Variants in XXYLT1 observed in about 807,000 individuals in gnomAD.
The protein encoded by XXYLT1 is UDP-xylose:alpha-xyloside alpha-1,3-xylosyltransferase.
In XXYLT1, 20 loss-of-function variants were observed where a neutral mutation model predicts 28.9. The ratio of observed to expected loss-of-function variants is 0.69; its 90% confidence interval spans 0.49 to 1.00. XXYLT1 has a LOEUF of 1.00. XXYLT1 is among the 50% of genes least tolerant of loss of function. The pLI is 0.00. For synonymous variants in XXYLT1, 257 were observed against 253.8 expected, an observed-to-expected ratio of 1.01 and a Z score of -0.12; for missense variants, 542 against 560.1, an observed-to-expected ratio of 0.97 and a Z score of 0.33.
intron 1 of XXYLT1, among the ~76,000 whole-genome samples, chr3:195,260,426 C>T (rs1242921846): frequency 1.3e-5 from 2 of 152,202 alleles, no homozygotes; most frequent in East Asian, 1.9e-4. Flanking sequence ...AGCCCCCATC[C>T]GGCTCCCGCA....
intron 1 of XXYLT1, chr3:195,248,047 A>G (rs6804467): frequency 0.047 from 24,549 of 520,562 alleles, 921 homozygotes; most frequent in African/African-American, 0.11. Context: ...CTTATCAGCC[A>G]CTTTCCAAGG....
intron 2 of XXYLT1, among the ~76,000 whole-genome samples, chr3:195,221,827 T>C (rs1474716524): frequency 6.6e-6 from 1 of 151,570 alleles, no homozygotes; most frequent in Admixed American, 6.6e-5. Context: ...GCCCCGTGGA[T>C]GTGGGTGAAG....
At chr3:195,103,197 T>C (rs1716887051) in intron 3 of XXYLT1, among the ~76,000 whole-genome samples, 2 of 152,234 alleles carry the variant, frequency 1.3e-5, no homozygotes, top group Non-Finnish European at 2.9e-5. Context: ...GCTGATTTGC[T>C]CCAGATAACA....
intron 3 of XXYLT1, among the ~76,000 whole-genome samples, chr3:195,114,898 A>G (rs1717963854): frequency 6.6e-6 from 1 of 152,244 alleles, no homozygotes; most frequent in Admixed American, 6.5e-5. Flanking sequence ...CACCTGCAGA[A>G]GGTGCTAACG....
intron 3 of XXYLT1, among the ~76,000 whole-genome samples, chr3:195,149,223 C>A (rs745426935): frequency 1.8e-4 from 28 of 152,098 alleles, no homozygotes; most frequent in Admixed American, 1.0e-3. Context: ...ACACACACAC[C>A]CCCTGATAAA....
chr3:195,141,856 C>T (rs902945070), intron 3 of XXYLT1, among the ~76,000 whole-genome samples: 94 of 152,228 alleles, frequency 6.2e-4, no homozygotes, highest in African/African-American at 2.2e-3. Flanking sequence ...CGACTAGACT[C>T]TAGTAATTTT....
At chr3:195,214,786 G>A (rs534064996) in intron 2 of XXYLT1, 3 of 152,282 alleles carry the variant, frequency 2.0e-5, no homozygotes, top group South Asian at 2.1e-4. Flanking sequence ...ATTGATTACT[G>A]GTGCTCGCTT....
intron 3 of XXYLT1, among the ~76,000 whole-genome samples, chr3:195,072,068 T>C (rs896201772): frequency 1.3e-5 from 2 of 152,080 alleles, no homozygotes; most frequent in Non-Finnish European, 2.9e-5. Context: ...GTGTGGCCCG[T>C]GCAGTCTCTT....
At chr3:195,144,266 C>T (rs115103637) in intron 3 of XXYLT1, among the ~76,000 whole-genome samples, 3 of 142,350 alleles carry the variant, frequency 2.1e-5, no homozygotes, top group Non-Finnish European at 1.6e-5. Context: ...CTAATCTGAT[C>T]GGTGCAAATG....
rs150765619 is a variant in XXYLT1, at chr3:195,125,849, C to T, written c.785+30600G>A. ...GAGGACAGTCCTAGGCAGTCACAGC[C>T]GCTCCAGCGGGCATCCACCTCCCGC... is the stretch of plus-strand genomic sequence containing the variant. On this transcript the variant is annotated intron_variant, in intron 3 of 3. Coordinates refer to ENST00000310380, the MANE Select transcript of XXYLT1 (RefSeq NM_152531.5). Among the ~76,000 whole-genome samples the T allele has an allele frequency of 3.2e-3, 481 of 152,230 alleles. 4 individuals carry two copies. Among genetic ancestry groups the T allele is most frequent in the African/African-American group, 0.011 (470 of 41,564 alleles).
chr3:195,084,064 C>G (rs902001166), intron 3 of XXYLT1, among the ~76,000 whole-genome samples: 4 of 152,160 alleles, frequency 2.6e-5, no homozygotes, highest in African/African-American at 4.8e-5. Context: ...GTCACACATT[C>G]TGCCTTTTGC....
chr3:195,178,652 C>T (rs1479057449), intron 2 of XXYLT1, among the ~76,000 whole-genome samples: 1 of 152,202 alleles, frequency 6.6e-6, no homozygotes, highest in African/African-American at 2.4e-5. Context: ...TCTGCCCTCT[C>T]CCAGTGCCCA....
At position 195,164,785 on chromosome 3, in the gene XXYLT1, T is replaced by C. The variant is rs540642181; in HGVS notation, c.653-8204A>G. On this transcript the variant is annotated intron_variant, in intron 2 of 3. Coordinates refer to ENST00000310380, the MANE Select transcript of XXYLT1 (RefSeq NM_152531.5). Reference sequence around the variant, plus strand: ...TTCCATTCTGACACTGAAAACACATTTCATGATGGATGTGGACGCTTATCT... The same window carrying C: ...TTCCATTCTGACACTGAAAACACATCTCATGATGGATGTGGACGCTTATCT... 7.2e-4 allele frequency among the ~76,000 whole-genome samples: 110 copies of C among 152,342 alleles called. 1 individual carries two copies. The highest frequency in any genetic ancestry group is 1.0e-3 in the Non-Finnish European group (68 of 68,038).
chr3:195,269,468 C>G (rs1725947446), intron 1 of XXYLT1, among the ~76,000 whole-genome samples: 1 of 152,204 alleles, frequency 6.6e-6, no homozygotes, highest in African/African-American at 2.4e-5. Flanking sequence ...ATAAGGCCCA[C>G]TCCCTACATA....
intron 2 of XXYLT1, among the ~76,000 whole-genome samples, chr3:195,187,620 C>T (rs1028053814): frequency 1.3e-5 from 2 of 152,288 alleles, no homozygotes; most frequent in African/African-American, 4.8e-5. Flanking sequence ...GGGATTCCAC[C>T]CCTGGACATT....
chr3:195,207,090 A>G (rs997925686), intron 2 of XXYLT1, among the ~76,000 whole-genome samples: 64 of 152,332 alleles, frequency 4.2e-4, no homozygotes, highest in African/African-American at 1.4e-3. Flanking sequence ...CTTCTACCAC[A>G]GGCTGAGCCA....
intron 2 of XXYLT1, among the ~76,000 whole-genome samples, chr3:195,157,071 T>C (rs2088040): frequency 0.14 from 20,624 of 151,730 alleles, 1,696 homozygotes; most frequent in East Asian, 0.27. Flanking sequence ...TGTGAAACCC[T>C]GTCTCTACTA....
chr3:195,166,575 C>A (rs546579783), intron 2 of XXYLT1, among the ~76,000 whole-genome samples: 54 of 152,212 alleles, frequency 3.5e-4, no homozygotes, highest in Non-Finnish European at 6.9e-4. Flanking sequence ...GTTCCTGGCC[C>A]CGGATTGCAT....
intron 3 of XXYLT1, among the ~76,000 whole-genome samples, chr3:195,123,256 A>G (rs1350961596): frequency 6.6e-6 from 1 of 151,330 alleles, no homozygotes; most frequent in Non-Finnish European, 1.5e-5. Flanking sequence ...CCACCTATCC[A>G]TCATAGTGGA....
Sources: gnomAD v4.1 joint callset for allele counts (sites outside exome capture counted in the v4.1 genomes callset) on GRCh38, gnomAD v4.1.1 for gene constraint, MANE v1.5 for transcripts, NCBI Gene and HGNC (gene_info 2026-07-23, HGNC 2026-07-21) for gene names.